DPF3: variants seen among roughly 807,000 people sequenced by gnomAD.
The protein encoded by DPF3 is zinc finger protein DPF3.
In DPF3, 18 loss-of-function variants were observed where a neutral mutation model predicts 56.8. The ratio of observed to expected loss-of-function variants is 0.32; its 90% CI spans 0.22 to 0.47. The LOEUF is 0.47. Among genes scored for constraint, DPF3 ranks in the 20% least tolerant of loss-of-function variants. DPF3 has a pLI of 1.00. For missense variants in DPF3, 403 were observed against 488.8 expected, an observed-to-expected ratio of 0.82 and a Z score of 1.65; for synonymous variants, 188 against 180.2, an observed-to-expected ratio of 1.04 and a Z score of -0.35.
intron 2 of DPF3, among the ~76,000 whole-genome samples, chr14:72,766,796 G>A (rs769630484): frequency 6.6e-6 from 1 of 152,130 alleles, no homozygotes; most frequent in Non-Finnish European, 1.5e-5. Context: ...ACTGGATTCT[G>A]GAAAAGCTGA....
At chr14:72,891,421 T>C (rs999755230) in intron 1 of DPF3, among the ~76,000 whole-genome samples, 3 of 150,992 alleles carry the variant, frequency 2.0e-5, no homozygotes, top group Non-Finnish European at 4.4e-5. Flanking sequence ...GATAAAAACA[T>C]AGCTCTCCAA....
intron 1 of DPF3, among the ~76,000 whole-genome samples, chr14:72,793,593 A>G (rs1892523752): frequency 6.6e-6 from 1 of 152,130 alleles, no homozygotes; most frequent in South Asian, 2.1e-4. Context: ...GAAGGAAAAA[A>G]GGAAATTAAC....
At chr14:72,626,161 G>A (rs1479489880) in intron 9 of DPF3, among the ~76,000 whole-genome samples, 1 of 152,020 alleles carries the variant, frequency 6.6e-6, no homozygotes, top group African/African-American at 2.4e-5. Flanking sequence ...TTGATTTTAA[G>A]TATTTATCTA....
At chr14:72,630,795 C>T (rs139966247) in intron 8 of DPF3, among the ~76,000 whole-genome samples, 1 of 152,340 alleles carries the variant, frequency 6.6e-6, no homozygotes, top group East Asian at 1.9e-4. Context: ...TCACCGTTCT[C>T]CAGAGCTTCC....
intron 6 of DPF3, among the ~76,000 whole-genome samples, chr14:72,700,956 T>C (rs960500551): frequency 6.6e-6 from 1 of 152,210 alleles, no homozygotes; most frequent in Non-Finnish European, 1.5e-5. Context: ...GGGGAGTTAT[T>C]TCTCCTCTGA....
chr14:72,671,298 C>T (rs1886664791), intron 8 of DPF3: 5 of 1,613,826 alleles, frequency 3.1e-6, no homozygotes, highest in Admixed American at 1.7e-5. Flanking sequence ...GTGCTGCGGC[C>T]GCTGCCTCCT....
intron 1 of DPF3, among the ~76,000 whole-genome samples, chr14:72,885,455 G>T (rs994122943): frequency 1.3e-5 from 2 of 152,000 alleles, no homozygotes; most frequent in African/African-American, 4.8e-5. Flanking sequence ...AGTACATGGA[G>T]TACAGTAGCG....
intron 2 of DPF3, among the ~76,000 whole-genome samples, chr14:72,754,052 G>A (rs910981032): frequency 6.0e-5 from 9 of 151,026 alleles, no homozygotes; most frequent in East Asian, 1.9e-4. Flanking sequence ...CTGGGCTTAC[G>A]TGCCACCCTG....
In DPF3 at chr14:72,609,318, G is replaced by A. The variant is rs1567172816; in HGVS notation, c.*9979C>T. 6.6e-6 allele frequency among the ~76,000 whole-genome samples: 1 copy of A among 152,184 alleles called. No individual in the cohort carries two copies. Among genetic ancestry groups the A allele is most frequent in the Non-Finnish European group, 1.5e-5 (1 of 68,034 alleles). On this transcript the variant is annotated 3_prime_UTR_variant, in exon 11 of 11. Coordinates refer to ENST00000556509, the MANE Select transcript of DPF3 (RefSeq NM_001280542.3). ...CAGGAGAAAAGGCAGCAAGAGAGGT[G>A]GGGTGGTCCTGGCACGTGGGCCACC...
In DPF3 at chr14:72,614,966, A is replaced by T. The variant is rs112998350; in HGVS notation, c.*4331T>A. Among the ~76,000 whole-genome samples the T allele has an allele frequency of 2.6e-3, 391 of 147,604 alleles. 1 individual carries two copies. Among genetic ancestry groups the T allele is most frequent in the South Asian group, 0.023 (100 of 4,328 alleles). On this transcript the variant is annotated 3_prime_UTR_variant, in exon 11 of 11. Transcript: ENST00000556509. Reference sequence around the variant, plus strand: ...GTCTTTCTCCCTCCCCAGGAATGGAAGCCTGCTAAAAGGGACACCAAGTCA... The same window carrying T: ...GTCTTTCTCCCTCCCCAGGAATGGATGCCTGCTAAAAGGGACACCAAGTCA...
chr14:72,629,857 G>T (rs1339061159), intron 8 of DPF3, 121 bp from the exon 9 acceptor site: 4 of 789,092 alleles, frequency 5.1e-6, no homozygotes. Flanking sequence ...ATGACGTAGG[G>T]AAAAAAATGG....
intron 3 of DPF3, among the ~76,000 whole-genome samples, chr14:72,734,129 TAA>T (rs974258364): frequency 2.0e-4 from 30 of 152,198 alleles, no homozygotes; most frequent in African/African-American, 7.0e-4. Context: ...GTGAACCAAA[TAA>T]AGACAGGCCC....
intron 1 of DPF3, among the ~76,000 whole-genome samples, chr14:72,845,771 T>A (rs1884724210): frequency 6.6e-6 from 1 of 152,198 alleles, no homozygotes; most frequent in Non-Finnish European, 1.5e-5. Flanking sequence ...CTGTGTGAAT[T>A]GCCAAGGAAA....
At chr14:72,619,746 T>C (rs961229824) in intron 10 of DPF3, among the ~76,000 whole-genome samples, 157 bp downstream of exon 10, 6 of 152,188 alleles carry the variant, frequency 3.9e-5, no homozygotes, top group Non-Finnish European at 7.3e-5. Context: ...AAAATGGCAG[T>C]CGTCGTACCT....
chr14:72,789,632 C>G (rs1892347516), intron 1 of DPF3, among the ~76,000 whole-genome samples: 1 of 152,328 alleles, frequency 6.6e-6, no homozygotes, highest in East Asian at 1.9e-4. Flanking sequence ...AGAGCTCAAG[C>G]AATTCACCTA....
chr14:72,696,892 A>T (rs976923649), intron 6 of DPF3, among the ~76,000 whole-genome samples: 3 of 152,210 alleles, frequency 2.0e-5, no homozygotes, highest in African/African-American at 7.2e-5. Context: ...CTAGATTTTT[A>T]AAAGCCCTCT....
At chr14:72,663,766 A>T (rs781547157) in intron 8 of DPF3, among the ~76,000 whole-genome samples, 2 of 152,104 alleles carry the variant, frequency 1.3e-5, no homozygotes, top group African/African-American at 2.4e-5. Context: ...AATGGGCCTA[A>T]ATGGAAAATG....
At chr14:72,894,030 A>G (rs758394087) in intron 1 of DPF3, 27 bp downstream of exon 1, 4 of 1,607,932 alleles carry the variant, frequency 2.5e-6, no homozygotes, top group Non-Finnish European at 3.4e-6. Context: ...ACCACGCGGA[A>G]TATGTACATT....
At chr14:72,731,622 T>G in intron 4 of DPF3, 185 bp downstream of exon 4, 2 of 739,710 alleles carry the variant, frequency 2.7e-6, no homozygotes. Context: ...CAATAATGAC[T>G]CCTTCGGAAG....
Sources: gnomAD v4.1 joint callset for allele counts (sites outside exome capture counted in the v4.1 genomes callset) on GRCh38, gnomAD v4.1.1 for gene constraint, MANE v1.5 for transcripts, NCBI Gene and HGNC (gene_info 2026-07-23, HGNC 2026-07-21) for gene names.